The following PCDHA5 variants were observed in gnomAD, a reference collection of about 807,000 sequenced individuals.
PCDHA5 encodes protocadherin alpha 5.
In PCDHA5, 43 loss-of-function variants were observed where a neutral mutation model predicts 61.6. The ratio of observed to expected loss-of-function variants is 0.70; its 90% CI spans 0.55 to 0.90. The LOEUF (loss-of-function observed/expected upper bound fraction) is 0.90. Among genes scored for constraint, PCDHA5 ranks in the 40% least tolerant of loss-of-function variants. The pLI is 0.00. For missense variants in PCDHA5, 1,298 were observed against 1,222.7 expected, an observed-to-expected ratio of 1.06 and a Z score of -0.92; for synonymous variants, 627 against 543.9, an observed-to-expected ratio of 1.15 and a Z score of -2.13.
Position 140,823,818 on chromosome 5 carries a change from G to A in PCDHA5, c.2043G>A (p.Ala681=), listed in dbSNP as rs1767884278. 2 of 1,613,678 alleles carry A rather than the reference G, an allele frequency of 1.2e-6. No homozygotes were observed. The highest frequency in any genetic ancestry group is 1.7e-6 in the Non-Finnish European group (2 of 1,179,904). ...AGGCGCCGAAGGCCTCATCGCGGGCGTCGGCGGGCGCTGTGGGTCCCGAGG... is the reference window on the plus strand; with the variant it reads ...AGGCGCCGAAGGCCTCATCGCGGGCATCGGCGGGCGCTGTGGGTCCCGAGG... ...SGQAPKASSR[A]SAGAVGPEAA... Residue 681 remains alanine, a synonymous_variant, in exon 1 of 4, where the codon GCG becomes GCA. Coordinates refer to ENST00000529859, the MANE Select transcript of PCDHA5 (RefSeq NM_018908.3).
chr5:140,955,452 G>A (rs921510611), intron 1 of PCDHA5, among the ~76,000 whole-genome samples: 1 of 152,024 alleles, frequency 6.6e-6, no homozygotes, highest in African/African-American at 2.4e-5. Flanking sequence ...TTTTATAAGG[G>A]CTTTTTCCTT....
chr5:140,890,434 T>C (rs1368664447), intron 1 of PCDHA5, among the ~76,000 whole-genome samples: 2 of 152,226 alleles, frequency 1.3e-5, no homozygotes, highest in Non-Finnish European at 2.9e-5. Flanking sequence ...ATATTTACAA[T>C]ACCTAGTGAT....
chr5:140,866,116 T>C (rs1232986434), intron 1 of PCDHA5: 2 of 152,196 alleles, frequency 1.3e-5, no homozygotes, highest in Non-Finnish European at 2.9e-5. Flanking sequence ...AGTTGCCTTA[T>C]AAGAACTACG....
rs2150181468 is a variant in PCDHA5 at position 140,830,125 on chromosome 5, G to A, written c.2352+5998G>A. 1.5e-5 allele frequency: 24 copies of A among 1,613,450 alleles called. No individual in the cohort carries two copies. In the East Asian group the frequency reaches 4.9e-4, roughly 33 times the overall value. On this transcript the variant is annotated intron_variant, in intron 1 of 3. Coordinates refer to ENST00000529859, the MANE Select transcript of PCDHA5 (RefSeq NM_018908.3). ...TGGAGAGTGGCCAGGCTCCAAAGGC[G>A]TCATCACGGGCGTCGGTGGGCGCCG...
intron 3 of PCDHA5, among the ~76,000 whole-genome samples, chr5:140,983,425 C>A (rs1252010683): frequency 6.6e-6 from 1 of 152,198 alleles, no homozygotes; most frequent in Non-Finnish European, 1.5e-5. Context: ...GTAGAGACCA[C>A]AAATTGTGTC....
intron 1 of PCDHA5, among the ~76,000 whole-genome samples, chr5:140,915,707 T>C (rs545075490): frequency 1.3e-4 from 19 of 151,930 alleles, no homozygotes; most frequent in Non-Finnish European, 2.6e-4. Flanking sequence ...AGCACTCCTG[T>C]GGCCCCCACT....
intron 3 of PCDHA5, among the ~76,000 whole-genome samples, chr5:141,008,228 T>C (rs2098365726): frequency 1.3e-5 from 2 of 152,210 alleles, no homozygotes; most frequent in African/African-American, 4.8e-5. Context: ...GTTAGAAAAT[T>C]ACTGCTCAGG....
chr5:140,864,323 T>C (rs2048419778), intron 1 of PCDHA5: 1 of 152,230 alleles, frequency 6.6e-6, no homozygotes, highest in Admixed American at 6.5e-5. Flanking sequence ...TTTAATATCA[T>C]AATTATTTGA....
chr5:140,904,773 CATT>C (rs2071382352), intron 1 of PCDHA5, among the ~76,000 whole-genome samples: 1 of 152,076 alleles, frequency 6.6e-6, no homozygotes, highest in Non-Finnish European at 1.5e-5. Flanking sequence ...GATGGTATCA[CATT>C]ATTGTTTTAA....
At chr5:140,854,315 C>A in intron 1 of PCDHA5, 1 of 280,416 alleles carries the variant, frequency 3.6e-6, no homozygotes, top group South Asian at 1.3e-4. Context: ...GATGATTGAT[C>A]AATGGCAAAC....
At position 140,876,890 on chromosome 5, in the gene PCDHA5, A is replaced by G. The variant is rs373414098; in HGVS notation, c.2352+52763A>G. On this transcript the variant is annotated intron_variant, in intron 1 of 3. Coordinates refer to ENST00000529859, the MANE Select transcript of PCDHA5 (RefSeq NM_018908.3). ...AAGGAGAACAACCCGCCGGGCTGCC[A>G]CATCTTCACGGTGTCGGCATGGGAC... The G allele has an allele frequency of 4.0e-5, 65 of 1,613,968 alleles. No individual in the cohort carries two copies. In the African/African-American group the frequency reaches 8.1e-4, roughly 20 times the overall value.
chr5:140,836,379 C>G (rs2150259226), intron 1 of PCDHA5: 1 of 1,613,734 alleles, frequency 6.2e-7, no homozygotes, highest in East Asian at 2.2e-5. Context: ...AGCCACCGTG[C>G]TGGTGTCGCT....
rs2150127281 is a variant in PCDHA5 at position 140,823,596 on chromosome 5, G to T, written c.1821G>T (p.Ser607=). The T allele has an allele frequency of 6.2e-7, 1 of 1,614,020 alleles. No homozygotes were observed. The highest frequency in any genetic ancestry group is 8.5e-7 in the Non-Finnish European group (1 of 1,179,950). Residue 607 remains serine, a synonymous_variant, in exon 1 of 4, where the codon TCG becomes TCT. Transcript: ENST00000529859. ...DPDSGYNAWL[S]YELQPAPGSA... ...ATTCGGGCTACAACGCTTGGCTTTCGTATGAGCTGCAGCCAGCGCCTGGCA... is the reference window on the plus strand; with the variant it reads ...ATTCGGGCTACAACGCTTGGCTTTCTTATGAGCTGCAGCCAGCGCCTGGCA...
chr5:140,930,747 CAT>C (rs2087070106), intron 1 of PCDHA5, among the ~76,000 whole-genome samples: 1 of 152,116 alleles, frequency 6.6e-6, no homozygotes, highest in Non-Finnish European at 1.5e-5. Context: ...AATAAATTTA[CAT>C]ATGTTAAAAT....
At chr5:140,874,154 C>A (rs1554167062) in intron 1 of PCDHA5, among the ~76,000 whole-genome samples, 1 of 152,102 alleles carries the variant, frequency 6.6e-6, no homozygotes, top group African/African-American at 2.4e-5. Flanking sequence ...TAGAGCCATT[C>A]TTGGTTACTC....
chr5:140,946,335 G>A lies in PCDHA5; in HGVS notation c.2353-32614G>A, dbSNP rs555314202. ...ATTATTGAAAGAGGAAAGATAACAA[G>A]TGATGGAGAGGATGTGGAGAAAAGG... On this transcript the variant is annotated intron_variant, in intron 1 of 3. Transcript: ENST00000529859. Among the ~76,000 whole-genome samples, 250 of 151,944 alleles carry A rather than the reference G, an allele frequency of 1.6e-3. 2 individuals are homozygous for A. The highest frequency in any genetic ancestry group is 2.8e-3 in the Non-Finnish European group (188 of 67,814).
intron 1 of PCDHA5, among the ~76,000 whole-genome samples, chr5:140,888,521 C>A (rs191011552): frequency 1.3e-5 from 2 of 152,142 alleles, no homozygotes; most frequent in African/African-American, 2.4e-5. Context: ...TTAGTTCTGA[C>A]GTGAAGTTAA....
chr5:140,932,952 T>G (rs2088746376), intron 1 of PCDHA5, among the ~76,000 whole-genome samples: 1 of 152,008 alleles, frequency 6.6e-6, no homozygotes, highest in Non-Finnish European at 1.5e-5. Flanking sequence ...GAAGGTGGAC[T>G]AAATTGCTGA....
At chr5:140,852,245 A>G (rs2042277804) in intron 1 of PCDHA5, 6 of 557,120 alleles carry the variant, frequency 1.1e-5, no homozygotes, top group Non-Finnish European at 1.4e-5. Flanking sequence ...CTTAAAACAC[A>G]CTTTTGGAAT....
Sources: gnomAD v4.1 joint callset for allele counts (sites outside exome capture counted in the v4.1 genomes callset) on GRCh38, gnomAD v4.1.1 for gene constraint, MANE v1.5 for transcripts, NCBI Gene and HGNC (gene_info 2026-07-23, HGNC 2026-07-21) for gene names.